Variants in WDR1 observed in about 807,000 individuals in gnomAD.
The protein encoded by WDR1 is WD repeat domain 1.
Under a neutral mutation model 71.9 loss-of-function variants are expected in WDR1, and 21 were observed. The ratio of observed to expected loss-of-function variants is 0.29; its 90% confidence interval spans 0.21 to 0.42. WDR1 has a LOEUF of 0.42. Ranked by LOEUF, WDR1 falls within the 10% of genes least tolerant of loss-of-function variation. WDR1 has a pLI of 1.00. For synonymous variants in WDR1, 424 were observed against 347.4 expected (o/e 1.22, Z -2.45); for missense variants, 696 against 824.5 (o/e 0.84, Z 1.91).
chr4:10,106,521 G>A (rs985970229), intron 2 of WDR1: 1 of 152,270 alleles, frequency 6.6e-6, no homozygotes, highest in Non-Finnish European at 1.5e-5. Context: ...TCCCAGCCTG[G>A]ACGACCTCCT....
intron 3 of WDR1, among the ~76,000 whole-genome samples, chr4:10,101,723 C>T (rs1373607380): frequency 6.6e-6 from 1 of 152,242 alleles, no homozygotes; most frequent in Non-Finnish European, 1.5e-5. Flanking sequence ...CAGGCCTGGG[C>T]CCGCAGGTTC....
At chr4:10,104,047 T>C in intron 2 of WDR1, 61 bp from the exon 3 acceptor site, 3 of 1,497,302 alleles carry the variant, frequency 2.0e-6, no homozygotes, top group Non-Finnish European at 2.7e-6. Flanking sequence ...CTTCCAGCTC[T>C]CCACATCAAC....
intron 3 of WDR1, 120 bp downstream of exon 3, chr4:10,103,769 AGCCTGCT>A: frequency 2.5e-5 from 3 of 121,936 alleles, no homozygotes; most frequent in South Asian, 9.6e-5. Context: ...CACCACCCCC[AGCCTGCT>A]CCCCCACCCC....
chr4:10,075,777 C>G (rs1158143088), intron 14 of WDR1: 3 of 515,648 alleles, frequency 5.8e-6, no homozygotes, highest in East Asian at 3.4e-5. Flanking sequence ...TCTTGACAAC[C>G]AAGTTCCACA....
chr4:10,079,307 A>C (rs1764923302), intron 11 of WDR1, among the ~76,000 whole-genome samples: 1 of 152,238 alleles, frequency 6.6e-6, no homozygotes, highest in South Asian at 2.1e-4. Flanking sequence ...CCTCGATGGG[A>C]ATCAACGTTC....
intron 5 of WDR1, among the ~76,000 whole-genome samples, chr4:10,090,803 A>G (rs987626029): frequency 5.9e-5 from 9 of 152,372 alleles, no homozygotes; most frequent in Admixed American, 5.9e-4. Context: ...CTCGGGAGCT[A>G]CTGAGGGCGA....
In WDR1 at chr4:10,097,728, A is replaced by C; in HGVS notation, c.541T>G (p.Phe181Val). The C allele has an allele frequency of 6.2e-7, 1 of 1,609,692 alleles. No homozygotes were observed. The highest frequency in any genetic ancestry group is 8.5e-7 in the Non-Finnish European group (1 of 1,177,146). Residue 181 changes from phenylalanine to valine, a missense_variant, in exon 5 of 15, where the codon TTC (phenylalanine) becomes GTC (valine). Physicochemically the swap from Phe to Val is conservative, Grantham distance 50 (BLOSUM62 -1). Coordinates refer to ENST00000499869, the MANE Select transcript of WDR1 (RefSeq NM_017491.5). ...TCACTTACGCCAATTGTGAACTTGA[A>C]CTTGAATGGGGGTCCCTCAAAGAAT... Reference protein sequence around the residue: ...AAFFEGPPFKFKFTIGDHSRF... With the variant: ...AAFFEGPPFKVKFTIGDHSRF...
At position 10,097,771 on chromosome 4, in the gene WDR1, G is replaced by A. The variant is rs374310586; in HGVS notation, c.498C>T (p.Ser166=). The change falls in exon 5 of 15, where the codon AGC becomes AGT. Residue 166 remains serine, a synonymous_variant. Coordinates refer to ENST00000499869, the MANE Select transcript of WDR1 (RefSeq NM_017491.5). ...CAAAGAATGCCGCGCAGTTATCATC[G>A]CTTCCCGTGGCCAGCCGGTATGGCC... ...QSRPYRLATG[S]DDNCAAFFEG... is the part of the protein sequence containing the mutation. The A allele has an allele frequency of 6.8e-6, 11 of 1,613,604 alleles. No homozygotes were observed. Among genetic ancestry groups the A allele is most frequent in the South Asian group, 1.1e-5 (1 of 91,086 alleles).
chr4:10,116,508 C>G, intron 1 of WDR1, 143 bp downstream of exon 1: 5 of 645,130 alleles, frequency 7.8e-6, no homozygotes, highest in Non-Finnish European at 9.8e-6. Context: ...CCACCGAGGG[C>G]GGCCCCGCCA....
rs533387645 is a variant in WDR1 at position 10,116,093 on chromosome 4, C to T, written c.138+20G>A. ...AGGTGGCTCCGGAGCAGAACCGCGC[C>T]CGGGGTAGGGGGTACTCACGTCGAT... On this transcript the variant is annotated intron_variant, in intron 2 of 14. Transcript: ENST00000499869. 2.1e-5 allele frequency: 33 copies of T among 1,606,902 alleles called. No homozygotes were observed. In the Admixed American group the frequency reaches 5.2e-4, roughly 25 times the overall value.
rs1764716089 is a variant in WDR1, at chr4:10,074,354, T to C, written c.*1024A>G. 1.3e-5 allele frequency: 2 copies of C among 152,336 alleles called. No individual in the cohort carries two copies. Among genetic ancestry groups the C allele is most frequent in the Non-Finnish European group, 2.9e-5 (2 of 68,030 alleles). The allele number at this position is 152,336 out of a possible 1,614,324, so 9.4% of individuals were successfully genotyped here. On this transcript the variant is annotated 3_prime_UTR_variant, in exon 15 of 15. Transcript: ENST00000499869. ...TGACCCACAGTGAAGAGAAAAGATA[T>C]TTAATTATTTCTCAGGCTAATCTCT...
intron 5 of WDR1, among the ~76,000 whole-genome samples, chr4:10,090,088 G>A (rs1041927140): frequency 3.3e-5 from 5 of 152,194 alleles, no homozygotes; most frequent in African/African-American, 1.2e-4. Flanking sequence ...AACCCCCAGG[G>A]CTGTCAGTAT....
Position 10,097,738 on chromosome 4 carries a change from G to C in WDR1, c.531C>G (p.Pro177=). The change falls in exon 5 of 15, where the codon CCC becomes CCG. Residue 177 remains proline, a synonymous_variant. Coordinates refer to ENST00000499869, the MANE Select transcript of WDR1 (RefSeq NM_017491.5). Reference sequence around the variant, plus strand: ...CAATTGTGAACTTGAACTTGAATGGGGGTCCCTCAAAGAATGCCGCGCAGT... The same window carrying C: ...CAATTGTGAACTTGAACTTGAATGGCGGTCCCTCAAAGAATGCCGCGCAGT... ...DDNCAAFFEG[P]PFKFKFTIGD... The C allele has an allele frequency of 2.5e-6, 4 of 1,609,522 alleles. No individual in the cohort carries two copies.
At chr4:10,091,776 A>G (rs1214776487) in intron 5 of WDR1, 1 of 152,292 alleles carries the variant, frequency 6.6e-6, no homozygotes, top group Non-Finnish European at 1.5e-5. Flanking sequence ...CTGTGTCAAC[A>G]TGGCCCACGG....
chr4:10,102,548 CCGGCCCCTGCTGTGCAA>C (rs1380746307), intron 3 of WDR1, among the ~76,000 whole-genome samples: 23 of 152,202 alleles, frequency 1.5e-4, no homozygotes, highest in African/African-American at 4.3e-4. Flanking sequence ...TTGACAGATA[CCGGCCCCTGCTGTGCAA>C]CGGCCCCTGC....
intron 3 of WDR1, among the ~76,000 whole-genome samples, chr4:10,101,108 C>A (rs1195806795): frequency 6.6e-6 from 1 of 152,254 alleles, no homozygotes; most frequent in Non-Finnish European, 1.5e-5. Context: ...CCTGGAACCA[C>A]GGCCCCAGCG....
intron 3 of WDR1, among the ~76,000 whole-genome samples, chr4:10,100,734 T>C (rs778499409): frequency 2.6e-5 from 4 of 152,106 alleles, no homozygotes; most frequent in Non-Finnish European, 5.9e-5. Flanking sequence ...GGAGATCTGC[T>C]TAGTTAAGTC....
intron 5 of WDR1, among the ~76,000 whole-genome samples, chr4:10,093,357 G>A (rs530480867): frequency 2.4e-4 from 36 of 152,326 alleles, no homozygotes; most frequent in Admixed American, 2.2e-3. Context: ...GGGCCTCCAC[G>A]ACCCTTGGTC....
Position 10,080,222 on chromosome 4 carries a change from T to C in WDR1, c.1284+1135A>G, listed in dbSNP as rs371234445. Reference sequence around the variant, plus strand: ...CCTCAGGGGAAAGGGTGGCCTATGATGACCACAACTTTACAGATGAGGAAA... The same window carrying C: ...CCTCAGGGGAAAGGGTGGCCTATGACGACCACAACTTTACAGATGAGGAAA... On this transcript the variant is annotated intron_variant, in intron 11 of 14. Transcript: ENST00000499869. 5.9e-5 allele frequency among the ~76,000 whole-genome samples: 9 copies of C among 152,322 alleles called. No individual in the cohort carries two copies. The East Asian group carries it at 1.7e-3, about 29-fold the overall frequency.
Sources: allele counts gnomAD v4.1 joint callset (sites outside exome capture counted in the v4.1 genomes callset), GRCh38; gene constraint gnomAD v4.1.1; transcripts MANE v1.5; gene names NCBI Gene and HGNC (gene_info 2026-07-23, HGNC 2026-07-21).